TNKS: variants seen among roughly 807,000 people sequenced by gnomAD.
The protein encoded by TNKS is tankyrase.
TNKS carries 72 observed loss-of-function variants against 135.8 expected under a neutral mutation model. That is an observed-to-expected ratio of 0.53 (90% confidence interval 0.44 to 0.64). The LOEUF (loss-of-function observed/expected upper bound fraction) is 0.64, where lower values mean the gene tolerates loss of function less well. Among genes scored for constraint, TNKS ranks in the 30% least tolerant of loss-of-function variants. The pLI, the probability that TNKS is intolerant of heterozygous loss-of-function variation, is 0.00. For missense variants in TNKS, 1,769 were observed against 1,674.0 expected (o/e 1.06, Z -0.99); for synonymous variants, 849 against 649.3 (o/e 1.31, Z -4.68).
intron 1 of TNKS, among the ~76,000 whole-genome samples, chr8:9,560,024 A>T (rs1184839897): frequency 6.6e-6 from 1 of 152,168 alleles, no homozygotes; most frequent in African/African-American, 2.4e-5. Flanking sequence ...TAGAATTTAT[A>T]TGAGACTTTT....
chr8:9,574,984 T>TCAGA, intron 1 of TNKS: 1 of 966,108 alleles, frequency 1.0e-6, no homozygotes, highest in Non-Finnish European at 1.2e-6. Flanking sequence ...GCTAAGAATG[T>TCAGA]GGAAAGATTC....
intron 3 of TNKS, among the ~76,000 whole-genome samples, chr8:9,623,879 G>A (rs1443452919): frequency 6.6e-6 from 1 of 152,056 alleles, no homozygotes; most frequent in Non-Finnish European, 1.5e-5. Flanking sequence ...GTGGGCGCCT[G>A]TAATCCCAGC....
chr8:9,699,829 C>T (rs1475257529), intron 5 of TNKS, among the ~76,000 whole-genome samples: 3 of 152,204 alleles, frequency 2.0e-5, no homozygotes, highest in African/African-American at 4.8e-5. Flanking sequence ...TTCCAAGACT[C>T]TAATCTTAAG....
At chr8:9,770,570 G>A (rs1030764366) in intron 26 of TNKS, among the ~76,000 whole-genome samples, 2 of 152,202 alleles carry the variant, frequency 1.3e-5, no homozygotes, top group African/African-American at 2.4e-5. Context: ...CACTTCGTGG[G>A]CAGCATGCCA....
intron 3 of TNKS, chr8:9,658,199 G>C (rs1370010641): frequency 1.4e-5 from 4 of 278,022 alleles, no homozygotes; most frequent in East Asian, 6.8e-5. Flanking sequence ...CCAGACGATG[G>C]GCGGCCAGGC....
At chr8:9,687,484 T>C (rs1410489458) in intron 5 of TNKS, among the ~76,000 whole-genome samples, 1 of 152,206 alleles carries the variant, frequency 6.6e-6, no homozygotes, top group Non-Finnish European at 1.5e-5. Flanking sequence ...TGAAAATGTC[T>C]TTTTTATTTT....
chr8:9,607,249 C>G (rs1231187680), intron 2 of TNKS, among the ~76,000 whole-genome samples: 1 of 152,124 alleles, frequency 6.6e-6, no homozygotes, highest in Non-Finnish European at 1.5e-5. Flanking sequence ...AATCATTTTA[C>G]ATTTATGCAA....
At chr8:9,619,918 TG>T (rs1224808081) in intron 3 of TNKS, among the ~76,000 whole-genome samples, 1 of 151,930 alleles carries the variant, frequency 6.6e-6, no homozygotes, top group Non-Finnish European at 1.5e-5. Context: ...TAGATTTTGC[TG>T]AAACCAAAAT....
rs149418244 is a variant in TNKS, at chr8:9,684,002, G to A, written c.1107+3202G>A. 2.2e-3 allele frequency among the ~76,000 whole-genome samples: 336 copies of A among 150,184 alleles called. 1 individual carries two copies. The highest frequency in any genetic ancestry group is 7.4e-3 in the African/African-American group (303 of 40,918). ...TTTTTGTTCTAAAATGCTACCTTTTGTTGTTGCTCTAAAATGATACTTTTA... is the reference window on the plus strand; with the variant it reads ...TTTTTGTTCTAAAATGCTACCTTTTATTGTTGCTCTAAAATGATACTTTTA... On this transcript the variant is annotated intron_variant, in intron 5 of 26. Transcript: ENST00000310430.
intron 2 of TNKS, among the ~76,000 whole-genome samples, chr8:9,588,127 A>G (rs543990496): frequency 2.0e-5 from 3 of 152,340 alleles, no homozygotes; most frequent in Admixed American, 2.0e-4. Flanking sequence ...TATCTTACTA[A>G]GAAACTTAAA....
At chr8:9,670,798 C>A (rs1281351486) in intron 3 of TNKS, 1 of 152,168 alleles carries the variant, frequency 6.6e-6, no homozygotes, top group East Asian at 1.9e-4. Context: ...ATGTAAGACA[C>A]TGATGGTAAT....
intron 2 of TNKS, among the ~76,000 whole-genome samples, chr8:9,592,777 G>C (rs1218494985): frequency 6.6e-6 from 1 of 152,164 alleles, no homozygotes; most frequent in Non-Finnish European, 1.5e-5. Flanking sequence ...GTGTTACATG[G>C]ATAAGGAAGC....
intron 5 of TNKS, among the ~76,000 whole-genome samples, chr8:9,695,900 CAAG>C (rs1223088708): frequency 6.6e-6 from 1 of 152,158 alleles, no homozygotes; most frequent in Non-Finnish European, 1.5e-5. Flanking sequence ...TTGTCATTAA[CAAG>C]AAATTCTGCA....
chr8:9,677,202 T>C (rs1397529076), intron 3 of TNKS, among the ~76,000 whole-genome samples: 3 of 152,226 alleles, frequency 2.0e-5, no homozygotes, highest in Admixed American at 6.5e-5. Context: ...GCAGAAAAGC[T>C]GATTAAAGTA....
intron 12 of TNKS, among the ~76,000 whole-genome samples, chr8:9,721,298 T>TTATATATATATATATATA (rs60138689): frequency 0.35 from 40,422 of 116,958 alleles, 8,418 homozygotes; most frequent in Non-Finnish European, 0.42. Context: ...AATAAATAAA[T>TTATATATATATATATATA]TATATATATA....
intron 3 of TNKS, among the ~76,000 whole-genome samples, chr8:9,644,776 T>C (rs892554483): frequency 3.9e-5 from 6 of 152,198 alleles, no homozygotes; most frequent in African/African-American, 4.8e-5. Flanking sequence ...CTTGGTTTTT[T>C]TTACTATATG....
At chr8:9,565,717 C>A (rs1270506165) in intron 1 of TNKS, among the ~76,000 whole-genome samples, 1 of 152,126 alleles carries the variant, frequency 6.6e-6, no homozygotes, top group Admixed American at 6.5e-5. Flanking sequence ...ATTAGCCTGG[C>A]GTGGTGGCGG....
chr8:9,708,598 C>A, intron 9 of TNKS, 106 bp downstream of exon 9: 1 of 1,179,824 alleles, frequency 8.5e-7, no homozygotes, highest in Non-Finnish European at 1.1e-6. Flanking sequence ...ATCTGAAATG[C>A]CAGGAATTTG....
intron 1 of TNKS, chr8:9,558,410 G>C (rs1585164007): frequency 6.6e-6 from 1 of 152,094 alleles, no homozygotes; most frequent in Non-Finnish European, 1.5e-5. Flanking sequence ...TTTTTCCTTA[G>C]GCTAAATGAA....
Sources: allele counts gnomAD v4.1 joint callset (sites outside exome capture counted in the v4.1 genomes callset), GRCh38; gene constraint gnomAD v4.1.1; transcripts MANE v1.5; gene names NCBI Gene and HGNC (gene_info 2026-07-23, HGNC 2026-07-21).